Variants in FER observed in about 807,000 individuals in gnomAD.
The protein encoded by FER is FER tyrosine kinase.
FER carries 63 observed loss-of-function variants against 111.0 expected under a neutral mutation model. That is an observed-to-expected ratio of 0.57 (90% confidence interval 0.46 to 0.70). The LOEUF (loss-of-function observed/expected upper bound fraction) is 0.70. Among genes scored for constraint, FER ranks in the 30% least tolerant of loss-of-function variants. The probability of loss-of-function intolerance (pLI) is 0.00; values close to 1 mark genes in which losing one functional copy is unlikely to be tolerated. For synonymous variants in FER, 327 were observed against 313.9 expected, an observed-to-expected ratio of 1.04 and a Z score of -0.44; for missense variants, 914 against 954.0, an observed-to-expected ratio of 0.96 and a Z score of 0.55.
intron 10 of FER, among the ~76,000 whole-genome samples, chr5:108,919,868 A>G (rs1354026738): frequency 6.6e-6 from 1 of 152,192 alleles, no homozygotes; most frequent in Non-Finnish European, 1.5e-5. Flanking sequence ...GCAAAATCAC[A>G]TAACCTCTCT....
chr5:108,806,175 G>A (rs1757185765), intron 3 of FER, among the ~76,000 whole-genome samples: 3 of 152,218 alleles, frequency 2.0e-5, no homozygotes, highest in Admixed American at 6.5e-5. Context: ...TTCAGAGGGT[G>A]CAAGCTCCAA....
At chr5:108,833,513 A>G (rs1289784313) in intron 4 of FER, among the ~76,000 whole-genome samples, 1 of 148,520 alleles carries the variant, frequency 6.7e-6, no homozygotes, top group Non-Finnish European at 1.5e-5. Flanking sequence ...ACATTGGATC[A>G]TTTTAAAGGT....
chr5:108,788,182 A>T (rs1754957653), intron 2 of FER, among the ~76,000 whole-genome samples: 2 of 152,124 alleles, frequency 1.3e-5, no homozygotes, highest in African/African-American at 4.8e-5. Flanking sequence ...CCCTGTCCAG[A>T]TGCTACTGAA....
At chr5:108,961,321 G>A (rs191882803) in intron 13 of FER, among the ~76,000 whole-genome samples, 1 of 152,192 alleles carries the variant, frequency 6.6e-6, no homozygotes, top group Non-Finnish European at 1.5e-5. Flanking sequence ...ATCTATAAAA[G>A]AAAGAAATAA....
chr5:108,894,867 A>AC (rs1413865786), intron 9 of FER, among the ~76,000 whole-genome samples: 1 of 151,052 alleles, frequency 6.6e-6, no homozygotes, highest in Non-Finnish European at 1.5e-5. Context: ...CACAGAAAAG[A>AC]CCCCCCATCA....
chr5:108,954,717 T>C lies in FER; in HGVS notation c.1330-12T>C, dbSNP rs1224391662. 6.8e-7 allele frequency: 1 copy of C among 1,479,632 alleles called. No homozygotes were observed. Among genetic ancestry groups the C allele is most frequent in the Admixed American group, 2.4e-5 (1 of 42,040 alleles). 91.7% of individuals were successfully genotyped at this position (1,479,632 alleles called of 1,614,324 possible). Reference sequence around the variant, plus strand: ...CTCTAATTTAGTTTTTTTTTTTTAATATTTGTTTAAGCTTTCTGATATGAT... The same window carrying C: ...CTCTAATTTAGTTTTTTTTTTTTAACATTTGTTTAAGCTTTCTGATATGAT... On this transcript the variant is annotated splice_polypyrimidine_tract_variant and intron_variant, in intron 11 of 19. Coordinates refer to ENST00000281092, the MANE Select transcript of FER (RefSeq NM_005246.4).
intron 13 of FER, among the ~76,000 whole-genome samples, chr5:109,020,328 A>G (rs994676833): frequency 6.6e-6 from 1 of 151,974 alleles, no homozygotes; most frequent in Non-Finnish European, 1.5e-5. Flanking sequence ...GTCATATATA[A>G]TAAAGCATAA....
chr5:109,031,992 G>T (rs1769695317), intron 13 of FER, among the ~76,000 whole-genome samples: 1 of 152,134 alleles, frequency 6.6e-6, no homozygotes. Flanking sequence ...CATATGCAAT[G>T]TATGGAGCAT....
chr5:109,003,885 T>TGGGA (rs1326012002), intron 13 of FER, among the ~76,000 whole-genome samples: 2 of 151,990 alleles, frequency 1.3e-5, no homozygotes, highest in Non-Finnish European at 2.9e-5. Flanking sequence ...GATGCCAAGG[T>TGGGA]GGGAGGATCA....
At chr5:108,966,102 T>C (rs1477043557) in intron 13 of FER, among the ~76,000 whole-genome samples, 2 of 152,200 alleles carry the variant, frequency 1.3e-5, no homozygotes, top group Non-Finnish European at 2.9e-5. Flanking sequence ...AAATGATACT[T>C]CAAAAGTTTC....
intron 3 of FER, among the ~76,000 whole-genome samples, chr5:108,822,535 T>C (rs1221518091): frequency 6.6e-6 from 1 of 151,978 alleles, no homozygotes; most frequent in African/African-American, 2.4e-5. Context: ...AGCAATCCAC[T>C]TTTGTGGGAA....
At chr5:109,125,978 T>G (rs544236460) in intron 17 of FER, among the ~76,000 whole-genome samples, 1 of 152,326 alleles carries the variant, frequency 6.6e-6, no homozygotes, top group African/African-American at 2.4e-5. Context: ...GATTCATTTC[T>G]TAGTGCTCAG....
At chr5:108,805,622 A>G (rs1422394309) in intron 3 of FER, among the ~76,000 whole-genome samples, 1 of 152,208 alleles carries the variant, frequency 6.6e-6, no homozygotes. Flanking sequence ...AGGTAGTCTC[A>G]GATAGAGATG....
chr5:108,826,771 C>G (rs1016535653), intron 3 of FER, among the ~76,000 whole-genome samples: 1 of 152,134 alleles, frequency 6.6e-6, no homozygotes, highest in Non-Finnish European at 1.5e-5. Context: ...ATTCAGTCTC[C>G]CTACCTGTTT....
At chr5:109,060,326 G>A (rs1310381854) in intron 16 of FER, among the ~76,000 whole-genome samples, 1 of 152,148 alleles carries the variant, frequency 6.6e-6, no homozygotes, top group Non-Finnish European at 1.5e-5. Flanking sequence ...AAACTCAAGA[G>A]CCAGGCAGTC....
At chr5:109,098,252 G>A (rs1243677141) in intron 16 of FER, among the ~76,000 whole-genome samples, 1 of 151,662 alleles carries the variant, frequency 6.6e-6, no homozygotes, top group East Asian at 1.9e-4. Context: ...AACAATATTT[G>A]GTAATTTGTT....
intron 12 of FER, 30 bp downstream of exon 12, chr5:108,954,962 T>C: frequency 6.4e-7 from 1 of 1,561,042 alleles, no homozygotes; most frequent in East Asian, 2.3e-5. Flanking sequence ...CATATGTATA[T>C]TTTGATGTAG....
chr5:108,956,934 A>T (rs930221793), intron 12 of FER, among the ~76,000 whole-genome samples: 1 of 151,656 alleles, frequency 6.6e-6, no homozygotes, highest in East Asian at 1.9e-4. Flanking sequence ...GAAGGAGTTT[A>T]TATTATACGA....
Position 109,186,231 on chromosome 5 carries a change from C to G in FER, c.2235C>G (p.Ser745Arg). Residue 745 changes from serine (S) to arginine (R), a missense_variant, in exon 19 of 20, where the codon AGC (serine) becomes AGG (arginine). Around this residue, in one of 3 missense-constraint regions of FER, gnomAD observed 134 missense variants for 149.4 expected, o/e 0.90. Coordinates refer to ENST00000281092, the MANE Select transcript of FER (RefSeq NM_005246.4). ...ACAGTTCAGAGAGTGACGTGTGGAG[C>G]TTTGGCATCCTTCTCTGGGAGACCT... ...GRYSSESDVW[S>R]FGILLWETFS... 1 of 1,614,098 alleles carries G rather than the reference C, an allele frequency of 6.2e-7. No homozygotes were observed. Among genetic ancestry groups the G allele is most frequent in the South Asian group, 1.1e-5 (1 of 91,082 alleles).
Sources: allele counts gnomAD v4.1 joint callset (sites outside exome capture counted in the v4.1 genomes callset), GRCh38; gene constraint gnomAD v4.1.1; regional missense constraint gnomAD v4.1.1; transcripts MANE v1.5; gene names NCBI Gene and HGNC (gene_info 2026-07-23, HGNC 2026-07-21).